Variants in ATP9B observed in about 807,000 individuals in gnomAD.
The protein encoded by ATP9B is probable phospholipid-transporting ATPase IIB.
In ATP9B, 110 loss-of-function variants were observed where a neutral mutation model predicts 146.1. That is an observed-to-expected ratio of 0.75 (90% CI 0.65 to 0.88). ATP9B has a LOEUF of 0.88. Among genes scored for constraint, ATP9B ranks in the 40% least tolerant of loss-of-function variants. The pLI, the probability that ATP9B is intolerant of heterozygous loss-of-function variation, is 0.00. For missense variants in ATP9B, 1,499 were observed against 1,496.4 expected, an observed-to-expected ratio of 1.00 and a Z score of -0.03; for synonymous variants, 604 against 569.7, an observed-to-expected ratio of 1.06 and a Z score of -0.86.
chr18:79,136,347 T>A (rs975671876), intron 5 of ATP9B, among the ~76,000 whole-genome samples: 2 of 152,190 alleles, frequency 1.3e-5, no homozygotes, highest in African/African-American at 4.8e-5. Flanking sequence ...TGTTTTGTTG[T>A]TTTTTGAGGG....
intron 4 of ATP9B, among the ~76,000 whole-genome samples, chr18:79,125,860 T>C (rs1221283121): frequency 1.3e-5 from 2 of 152,226 alleles, no homozygotes; most frequent in Non-Finnish European, 2.9e-5. Flanking sequence ...CTAAATACTT[T>C]TATTCTGTAA....
intron 9 of ATP9B, among the ~76,000 whole-genome samples, chr18:79,205,714 G>A (rs894976717): frequency 7.2e-5 from 11 of 152,046 alleles, no homozygotes; most frequent in East Asian, 1.9e-4. Context: ...TTCCATTACC[G>A]AAATGTAGGC....
intron 11 of ATP9B, among the ~76,000 whole-genome samples, chr18:79,236,565 T>G (rs1294961955): frequency 6.6e-6 from 1 of 152,258 alleles, no homozygotes; most frequent in Non-Finnish European, 1.5e-5. Flanking sequence ...GTTTCCTTTC[T>G]GTTACATTTC....
At chr18:79,171,119 T>G (rs7238141) in intron 7 of ATP9B, among the ~76,000 whole-genome samples, 38,027 of 152,154 alleles carry the variant, frequency 0.25, 5,090 homozygotes, top group East Asian at 0.5. Flanking sequence ...AAAAACAGAA[T>G]TAAAATTCAA....
intron 7 of ATP9B, among the ~76,000 whole-genome samples, chr18:79,175,673 A>T (rs2095154304): frequency 6.6e-6 from 1 of 152,244 alleles, no homozygotes; most frequent in African/African-American, 2.4e-5. Context: ...ACAGATCCTC[A>T]GGTACTTGTT....
intron 1 of ATP9B, among the ~76,000 whole-genome samples, chr18:79,071,507 A>C (rs571266451): frequency 6.8e-6 from 1 of 146,874 alleles, no homozygotes; most frequent in East Asian, 2.0e-4. Flanking sequence ...CAATCCACCC[A>C]TGTAGCTGGG....
rs771572470 is a variant in ATP9B at position 79,307,013 on chromosome 18, A to G, written c.1552A>G (p.Thr518Ala). ...QMQSQAGGNN[T>A]GSTPLRKAQS... ...GCAGTCTCAAGCTGGTGGAAACAAT[A>G]CTGGTTCAACTCCACTAAGAAAAGC... The change falls in exon 15 of 30, where the codon ACT (threonine) becomes GCT (alanine). Residue 518 changes from threonine to alanine, a missense_variant. Coordinates refer to ENST00000426216, the MANE Select transcript of ATP9B (RefSeq NM_198531.5). 2 of 1,614,202 alleles carry G rather than the reference A, an allele frequency of 1.2e-6. No individual in the cohort carries two copies. Among genetic ancestry groups the G allele is most frequent in the East Asian group, 2.2e-5 (1 of 44,888 alleles).
At chr18:79,071,049 C>CT (rs746689031) in intron 1 of ATP9B, among the ~76,000 whole-genome samples, 3,009 of 112,342 alleles carry the variant, frequency 0.027, 63 homozygotes, top group African/African-American at 0.032. Context: ...ATTCCTGTTT[C>CT]TTTTTTTTTT....
At chr18:79,191,691 A>C (rs1037247576) in intron 8 of ATP9B, among the ~76,000 whole-genome samples, 3 of 152,046 alleles carry the variant, frequency 2.0e-5, no homozygotes, top group African/African-American at 7.2e-5. Flanking sequence ...CTTTGTTGTG[A>C]TTTCCTACTT....
At chr18:79,267,089 T>G (rs2096211010) in intron 12 of ATP9B, among the ~76,000 whole-genome samples, 1 of 152,096 alleles carries the variant, frequency 6.6e-6, no homozygotes, top group Admixed American at 6.5e-5. Context: ...GGAACATTTT[T>G]GACACATTGA....
chr18:79,182,633 A>T (rs1159403867), intron 8 of ATP9B, among the ~76,000 whole-genome samples: 2 of 106,294 alleles, frequency 1.9e-5, no homozygotes, highest in Admixed American at 1.6e-4. Flanking sequence ...AGTTGTTTTC[A>T]TGGGAGGACA....
chr18:79,277,388 AC>A (rs1317625104), intron 13 of ATP9B, 192 bp downstream of exon 13: 2 of 534,106 alleles, frequency 3.7e-6, no homozygotes, highest in Non-Finnish European at 6.4e-6. Context: ...CTTCTAGTAT[AC>A]ACAGTATCAT....
At chr18:79,356,647 GTTCCATTTGCATAGCA>G (rs1000271501) in intron 25 of ATP9B, among the ~76,000 whole-genome samples, 11 of 152,378 alleles carry the variant, frequency 7.2e-5, no homozygotes, top group African/African-American at 2.4e-4. Flanking sequence ...CTGCTGTACA[GTTCCATTTGCATAGCA>G]TTCCATTTGC....
intron 4 of ATP9B, among the ~76,000 whole-genome samples, chr18:79,120,656 C>T (rs1270249371): frequency 6.6e-6 from 1 of 152,164 alleles, no homozygotes. Flanking sequence ...AACAGAATGT[C>T]ATGCTTCTAT....
chr18:79,377,317 G>T lies in ATP9B; in HGVS notation c.3378G>T (p.Pro1126=). ...VSAITVVSCL[P]LYVLKYLRRK... ...CGATCACCGTGGTCAGCTGCCTCCC[G>T]CTGTATGTCCTCAAGTACCTGAGGC... Residue 1126 remains proline (P), a synonymous_variant, in exon 30 of 30, where the codon CCG becomes CCT. Coordinates refer to ENST00000426216, the MANE Select transcript of ATP9B (RefSeq NM_198531.5). 2 of 1,612,062 alleles carry T rather than the reference G, an allele frequency of 1.2e-6. No individual in the cohort carries two copies. The highest frequency in any genetic ancestry group is 1.7e-6 in the Non-Finnish European group (2 of 1,180,008).
At chr18:79,342,235 T>C (rs1181252992) in intron 19 of ATP9B, 33 bp from the exon 20 acceptor site, 1 of 1,518,486 alleles carries the variant, frequency 6.6e-7, no homozygotes, top group Admixed American at 1.7e-5. Flanking sequence ...GTCCTTGTCT[T>C]GTTGAAATTC....
At chr18:79,091,554 A>G (rs1039141473) in intron 1 of ATP9B, among the ~76,000 whole-genome samples, 1 of 152,198 alleles carries the variant, frequency 6.6e-6, no homozygotes. Context: ...TGTAAATGGG[A>G]TTACTTTTAA....
chr18:79,168,273 T>A (rs191790406), intron 7 of ATP9B, among the ~76,000 whole-genome samples: 2 of 152,266 alleles, frequency 1.3e-5, no homozygotes, highest in African/African-American at 2.4e-5. Flanking sequence ...GGTCCGTGGC[T>A]GCATCCTGCG....
chr18:79,209,795 A>G (rs1237150781), intron 10 of ATP9B: 1 of 488,356 alleles, frequency 2.0e-6, no homozygotes, highest in African/African-American at 2.1e-5. Context: ...TAGTACATAC[A>G]TATCTTTATT....
Sources: gnomAD v4.1 joint callset for allele counts (sites outside exome capture counted in the v4.1 genomes callset) on GRCh38, gnomAD v4.1.1 for gene constraint, MANE v1.5 for transcripts, NCBI Gene and HGNC (gene_info 2026-07-23, HGNC 2026-07-21) for gene names.